The following SMIM35 variants were observed in gnomAD, a reference collection of about 807,000 sequenced individuals.
The protein encoded by SMIM35 is small integral membrane protein 35.
intron 1 of SMIM35, among the ~76,000 whole-genome samples, chr11:118,048,571 A>AAGGAAGGT (rs1944144779): frequency 8.2e-6 from 1 of 122,022 alleles, no homozygotes; most frequent in East Asian, 2.0e-4. Flanking sequence ...GGAAGGAAGG[A>AAGGAAGGT]AGGAAGGAAG....
In SMIM35 at chr11:118,003,770, G is replaced by C. The variant is rs188910730; in HGVS notation, c.*2640C>G. ...AAACAAGTGTGGCTTCATGGAGCCT[G>C]TCATCTGGTTATGAAGATAAACACC... On this transcript the variant is annotated 3_prime_UTR_variant, in exon 5 of 5. Coordinates refer to ENST00000689828, the MANE Select transcript of SMIM35 (RefSeq NM_001394165.1). 5.4e-4 allele frequency: 83 copies of C among 152,320 alleles called. No homozygotes were observed. Among genetic ancestry groups the C allele is most frequent in the African/African-American group, 1.9e-3 (81 of 41,558 alleles). 9.4% of individuals were successfully genotyped at this position (152,320 alleles called of 1,614,324 possible).
At chr11:118,045,799 C>T (rs1234726034) in intron 1 of SMIM35, among the ~76,000 whole-genome samples, 1 of 152,160 alleles carries the variant, frequency 6.6e-6, no homozygotes, top group Non-Finnish European at 1.5e-5. Flanking sequence ...CAGCAGATTT[C>T]AGGCAGATCT....
chr11:118,051,825 G>GATACTA (rs57139857), intron 1 of SMIM35, among the ~76,000 whole-genome samples: 27,218 of 149,418 alleles, frequency 0.18, 2,737 homozygotes, highest in East Asian at 0.31. Context: ...AGTTTAGGTT[G>GATACTA]ATACTAATAC....
intron 1 of SMIM35, among the ~76,000 whole-genome samples, chr11:118,082,162 A>G (rs1945184347): frequency 6.6e-6 from 1 of 152,216 alleles, no homozygotes; most frequent in Non-Finnish European, 1.5e-5. Context: ...TCCAAATGCA[A>G]CAAGGGCCCC....
chr11:118,049,878 C>A (rs1004870200), intron 1 of SMIM35, among the ~76,000 whole-genome samples: 2 of 152,054 alleles, frequency 1.3e-5, no homozygotes, highest in Non-Finnish European at 2.9e-5. Context: ...GCAAACTGTG[C>A]CTCCCACACT....
intron 3 of SMIM35, 148 bp from the exon 4 acceptor site, chr11:118,014,028 A>G (rs951747017): frequency 6.8e-5 from 27 of 394,762 alleles, no homozygotes; most frequent in African/African-American, 4.1e-4. Flanking sequence ...TCTCAGGGCC[A>G]AAGGAGGTAC....
chr11:118,057,078 C>A (rs541059573), intron 1 of SMIM35, among the ~76,000 whole-genome samples: 1 of 152,304 alleles, frequency 6.6e-6, no homozygotes, highest in South Asian at 2.1e-4. Flanking sequence ...AGCCGGAAGC[C>A]TCAAGGGAAA....
chr11:118,073,138 A>G (rs1944599629), intron 1 of SMIM35, among the ~76,000 whole-genome samples: 1 of 152,192 alleles, frequency 6.6e-6, no homozygotes, highest in Non-Finnish European at 1.5e-5. Flanking sequence ...AGGTTTTGCC[A>G]TGTTGGCCAG....
At chr11:118,018,512 C>A (rs1489538803) in intron 1 of SMIM35, among the ~76,000 whole-genome samples, 1 of 152,112 alleles carries the variant, frequency 6.6e-6, no homozygotes, top group Non-Finnish European at 1.5e-5. Flanking sequence ...CCCAAGGACT[C>A]AAATCTTCAA....
chr11:118,034,905 G>A lies in SMIM35; in HGVS notation c.8-19096C>T, dbSNP rs1332575890. On this transcript the variant is annotated intron_variant, in intron 1 of 4. Transcript: ENST00000689828. ...ATGTGTCCATTAGACTTGCCAGTTA[G>A]TAAGTCCAAATTGCGGTTATGAATA... 2.0e-5 allele frequency among the ~76,000 whole-genome samples: 3 copies of A among 152,102 alleles called. No homozygotes were observed. In the South Asian group the frequency reaches 6.2e-4, roughly 32 times the overall value.
At chr11:118,071,214 C>T (rs1019892082) in intron 1 of SMIM35, among the ~76,000 whole-genome samples, 2 of 152,230 alleles carry the variant, frequency 1.3e-5, no homozygotes, top group Non-Finnish European at 1.5e-5. Flanking sequence ...GAAGGGAACA[C>T]CTGTTCATCC....
chr11:118,009,789 C>T (rs904212486), intron 4 of SMIM35, among the ~76,000 whole-genome samples: 4 of 151,332 alleles, frequency 2.6e-5, no homozygotes, highest in Admixed American at 6.6e-5. Flanking sequence ...CCAGGAGAAG[C>T]CTTGGAAAAA....
chr11:118,034,679 G>A (rs11216716), intron 1 of SMIM35, among the ~76,000 whole-genome samples: 6,053 of 152,300 alleles, frequency 0.04, 204 homozygotes, highest in East Asian at 0.19. Context: ...ACTCCAGCAT[G>A]GGTGACAGAG....
At chr11:118,011,608 T>G (rs1380726591) in intron 4 of SMIM35, among the ~76,000 whole-genome samples, 1 of 152,046 alleles carries the variant, frequency 6.6e-6, no homozygotes, top group Admixed American at 6.5e-5. Flanking sequence ...AGGAGGATCC[T>G]TTGAACCTGG....
intron 1 of SMIM35, among the ~76,000 whole-genome samples, chr11:118,024,790 T>C (rs1364779475): frequency 1.3e-5 from 2 of 152,098 alleles, no homozygotes; most frequent in Non-Finnish European, 2.9e-5. Flanking sequence ...TTATTTTAGA[T>C]TCAGGAAGTA....
intron 1 of SMIM35, among the ~76,000 whole-genome samples, chr11:118,064,836 G>A (rs1001547595): frequency 6.6e-6 from 1 of 152,144 alleles, no homozygotes; most frequent in African/African-American, 2.4e-5. Flanking sequence ...GTAGAGATAG[G>A]GTTTCGCTAT....
chr11:118,017,193 C>T (rs1453071683), intron 1 of SMIM35, among the ~76,000 whole-genome samples: 1 of 152,164 alleles, frequency 6.6e-6, no homozygotes, highest in Non-Finnish European at 1.5e-5. Flanking sequence ...AAGAAAAAGG[C>T]CAGGTTACAA....
intron 1 of SMIM35, among the ~76,000 whole-genome samples, chr11:118,024,558 G>A (rs566812971): frequency 2.0e-5 from 3 of 150,128 alleles, no homozygotes; most frequent in East Asian, 2.0e-4. Context: ...CTGCAACCTC[G>A]ACCTCCCAGG....
chr11:118,024,765 G>C lies in SMIM35; in HGVS notation c.8-8956C>G, dbSNP rs533880121. ...TGGGATTACAGACATGAGCCACCGT[G>C]CCCAGCCTCAACTTTTATTTTAGAT... On this transcript the variant is annotated intron_variant, in intron 1 of 4. Coordinates refer to ENST00000689828, the MANE Select transcript of SMIM35 (RefSeq NM_001394165.1). Among the ~76,000 whole-genome samples, 29 of 152,264 alleles carry C rather than the reference G, an allele frequency of 1.9e-4. 1 individual carries two copies. The highest frequency in any genetic ancestry group is 6.7e-4 in the African/African-American group (28 of 41,550).
Sources: gnomAD v4.1 joint callset for allele counts (sites outside exome capture counted in the v4.1 genomes callset) on GRCh38, gnomAD v4.1.1 for gene constraint, MANE v1.5 for transcripts, NCBI Gene and HGNC (gene_info 2026-07-23, HGNC 2026-07-21) for gene names.